Variants in SH3BP4 observed in about 807,000 individuals in gnomAD.
The protein encoded by SH3BP4 is SH3 domain-binding protein 4.
Under a neutral mutation model 65.5 loss-of-function variants are expected in SH3BP4, and 33 were observed. The ratio of observed to expected loss-of-function variants is 0.50; its 90% CI spans 0.38 to 0.67. The LOEUF (loss-of-function observed/expected upper bound fraction) is 0.67. Among genes scored for constraint, SH3BP4 ranks in the 30% least tolerant of loss-of-function variants. The pLI, the probability that SH3BP4 is intolerant of heterozygous loss-of-function variation, is 0.00. For synonymous variants in SH3BP4, 552 were observed against 545.5 expected (o/e 1.01, Z -0.17); for missense variants, 1,134 against 1,261.4 (o/e 0.90, Z 1.53).
At position 235,009,600 on chromosome 2, in the gene SH3BP4, C is replaced by T. The variant is rs114557630; in HGVS notation, c.-133+14224C>T. Among the ~76,000 whole-genome samples, 1,141 of 152,084 alleles carry T rather than the reference C, an allele frequency of 7.5e-3. 10 individuals are homozygous for T. Among genetic ancestry groups the T allele is most frequent in the African/African-American group, 0.024 (990 of 41,482 alleles). ...GCATCTGTGTCTGCTCTTTGCTAGC[C>T]GGCCTGCCTTTGGTGGTAACTGTTC... On this transcript the variant is annotated intron_variant, in intron 2 of 5. Coordinates refer to ENST00000392011, the MANE Select transcript of SH3BP4 (RefSeq NM_014521.3).
intron 1 of SH3BP4, among the ~76,000 whole-genome samples, chr2:234,953,436 C>T (rs939202155): frequency 2.6e-5 from 4 of 152,182 alleles, no homozygotes; most frequent in Non-Finnish European, 5.9e-5. Flanking sequence ...TTTCCTTGCT[C>T]CCTACCCGGG....
intron 2 of SH3BP4, among the ~76,000 whole-genome samples, chr2:235,007,554 A>G (rs149085909): frequency 1.3e-5 from 2 of 152,178 alleles, no homozygotes; most frequent in African/African-American, 4.8e-5. Context: ...TCCGGCCCCA[A>G]ATGTCAGCAG....
intron 2 of SH3BP4, among the ~76,000 whole-genome samples, chr2:235,022,554 A>G (rs559327140): frequency 6.6e-6 from 1 of 152,228 alleles, no homozygotes; most frequent in Non-Finnish European, 1.5e-5. Flanking sequence ...TACTTGAACT[A>G]TTTCTGACTA....
chr2:235,044,772 G>A (rs755914422), intron 4 of SH3BP4, among the ~76,000 whole-genome samples: 1 of 152,224 alleles, frequency 6.6e-6, no homozygotes, highest in Non-Finnish European at 1.5e-5. Flanking sequence ...TGCCCATGTT[G>A]AGCCAGGAGA....
At chr2:234,986,032 G>A (rs970013488) in intron 1 of SH3BP4, among the ~76,000 whole-genome samples, 2 of 151,654 alleles carry the variant, frequency 1.3e-5, no homozygotes, top group Non-Finnish European at 2.9e-5. Flanking sequence ...CCACGTGCAG[G>A]TGTACCAGCC....
At chr2:235,017,401 G>A (rs1050299210) in intron 2 of SH3BP4, among the ~76,000 whole-genome samples, 22 of 149,510 alleles carry the variant, frequency 1.5e-4, no homozygotes, top group Admixed American at 4.0e-4. Flanking sequence ...AGCTGAGATC[G>A]TGCCACTGCA....
intron 2 of SH3BP4, among the ~76,000 whole-genome samples, chr2:235,031,120 C>T (rs1216068531): frequency 6.6e-6 from 1 of 152,038 alleles, no homozygotes; most frequent in Non-Finnish European, 1.5e-5. Flanking sequence ...CAGTGGTGCC[C>T]GTGGGAACAT....
chr2:234,986,169 T>C lies in SH3BP4; in HGVS notation c.-206-9134T>C, dbSNP rs73124262. Among the ~76,000 whole-genome samples, 731 of 150,370 alleles carry C rather than the reference T, an allele frequency of 4.9e-3. 15 individuals are homozygous for C. Among genetic ancestry groups the C allele is most frequent in the African/African-American group, 0.016 (635 of 39,882 alleles). On this transcript the variant is annotated intron_variant, in intron 1 of 5. Transcript: ENST00000392011. ...CTCACACCTATGAGCACAGAGACCA[T>C]GGTGCAGGCGTTATCTCTCTTATTC...
intron 2 of SH3BP4, among the ~76,000 whole-genome samples, chr2:235,022,275 C>T (rs927462082): frequency 6.6e-6 from 1 of 152,116 alleles, no homozygotes; most frequent in African/African-American, 2.4e-5. Flanking sequence ...GCTACTTGGC[C>T]GGGTGTGGTG....
intron 2 of SH3BP4, chr2:234,995,600 T>A (rs1178494441): frequency 2.0e-5 from 3 of 152,342 alleles, no homozygotes; most frequent in African/African-American, 7.2e-5. Context: ...CCCACAGTGT[T>A]GTCCCCAGTG....
chr2:234,971,812 TC>T lies in SH3BP4; in HGVS notation c.-207+19643del, dbSNP rs1693009677. On this transcript the variant is annotated intron_variant, in intron 1 of 5. Transcript: ENST00000392011. ...AAATTTTCTGTAAAGTTTTCCTTTT[TC>T]TTTTTTTCTTTTCTTTTTTTTTGAG... Among the ~76,000 whole-genome samples, 2 of 152,172 alleles carry T rather than the reference TC, an allele frequency of 1.3e-5. 1 individual carries two copies. The highest frequency in any genetic ancestry group is 4.1e-4 in the South Asian group (2 of 4,826).
chr2:234,961,427 A>G (rs1692712368), intron 1 of SH3BP4, among the ~76,000 whole-genome samples: 1 of 152,110 alleles, frequency 6.6e-6, no homozygotes, highest in Admixed American at 6.5e-5. Flanking sequence ...GTGCGCCACC[A>G]TGCCCAGCTA....
chr2:235,009,888 C>T (rs1694421396), intron 2 of SH3BP4, among the ~76,000 whole-genome samples: 1 of 152,062 alleles, frequency 6.6e-6, no homozygotes. Flanking sequence ...CGCTCGCCAC[C>T]TCCATGTCAC....
At chr2:234,993,356 G>A (rs958903016) in intron 1 of SH3BP4, among the ~76,000 whole-genome samples, 6 of 152,154 alleles carry the variant, frequency 3.9e-5, no homozygotes, top group Admixed American at 1.3e-4. Context: ...CCTTTATGAC[G>A]GCTTGCGATG....
At chr2:234,995,903 C>G (rs892298811) in intron 2 of SH3BP4, 2 of 152,282 alleles carry the variant, frequency 1.3e-5, no homozygotes, top group African/African-American at 2.4e-5. Context: ...AGCATTTGTC[C>G]TTGAAACACG....
At chr2:235,036,740 A>AAAAAAAAATAATAATAAT (rs146049108) in intron 3 of SH3BP4, among the ~76,000 whole-genome samples, 2,256 of 141,742 alleles carry the variant, frequency 0.016, 66 homozygotes, top group African/African-American at 0.057. Context: ...TCTATATAAA[A>AAAAAAAAATAATAATAAT]AATAATAATA....
At chr2:235,047,430 G>A (rs1695900535) in intron 4 of SH3BP4, among the ~76,000 whole-genome samples, 1 of 152,228 alleles carries the variant, frequency 6.6e-6, no homozygotes, top group South Asian at 2.1e-4. Context: ...ACACTGCGTG[G>A]TCGGTGGGCT....
At chr2:235,024,630 G>A (rs766838401) in intron 2 of SH3BP4, among the ~76,000 whole-genome samples, 1 of 152,048 alleles carries the variant, frequency 6.6e-6, no homozygotes, top group East Asian at 1.9e-4. Context: ...TAAAAGTGAG[G>A]CCTCAGTTTT....
Position 235,041,396 on chromosome 2 carries a change from C to G in SH3BP4, c.627C>G (p.Thr209=). The G allele has an allele frequency of 2.5e-6, 4 of 1,614,200 alleles. No individual in the cohort carries two copies. Among genetic ancestry groups the G allele is most frequent in the Non-Finnish European group, 3.4e-6 (4 of 1,180,046 alleles). The part of the protein sequence containing the change: ...TSSFTESSSA[T]TNSTGNIFDE... ...CCTTCACCGAATCCAGCTCAGCCAC[C>G]ACGAATAGCACTGGCAACATCTTCG... Residue 209 remains threonine, a synonymous_variant, in exon 4 of 6, where the codon ACC becomes ACG. Transcript: ENST00000392011. This position sits in a 1 kb window ranked among gnomAD's most constrained non-coding sequence, Gnocchi z 6.0.
Sources: allele counts gnomAD v4.1 joint callset (sites outside exome capture counted in the v4.1 genomes callset), GRCh38; gene constraint gnomAD v4.1.1; non-coding constraint Gnocchi (gnomAD v3.1); transcripts MANE v1.5; gene names NCBI Gene and HGNC (gene_info 2026-07-23, HGNC 2026-07-21).